CAMK1D: variants seen among roughly 807,000 people sequenced by gnomAD.
CAMK1D encodes the protein calcium/calmodulin-dependent protein kinase type 1D.
A neutral mutation model predicts 47.7 loss-of-function variants in CAMK1D; 9 were observed. That is an observed-to-expected ratio of 0.19 (90% confidence interval 0.11 to 0.33). The LOEUF is 0.33. CAMK1D is among the 10% of genes least tolerant of loss of function. The pLI, the probability that CAMK1D is intolerant of heterozygous loss-of-function variation, is 1.00. For synonymous variants in CAMK1D, 184 were observed against 184.9 expected (o/e 0.99, Z 0.04); for missense variants, 291 against 488.7 (o/e 0.60, Z 3.81).
At chr10:12,630,575 GTTTTA>G (rs573752798) in intron 2 of CAMK1D, among the ~76,000 whole-genome samples, 9 of 151,706 alleles carry the variant, frequency 5.9e-5, no homozygotes, top group Non-Finnish European at 1.3e-4. Flanking sequence ...TTGCTTTGTT[GTTTTA>G]TTTTATTTTA....
chr10:12,395,005 A>G (rs1052314538), intron 1 of CAMK1D, among the ~76,000 whole-genome samples: 1 of 151,254 alleles, frequency 6.6e-6, no homozygotes, highest in Non-Finnish European at 1.5e-5. Context: ...CTTGGGGTGC[A>G]CTTTGTAGCT....
At chr10:12,540,954 C>T (rs964644445) in intron 1 of CAMK1D, among the ~76,000 whole-genome samples, 3 of 146,304 alleles carry the variant, frequency 2.1e-5, no homozygotes, top group East Asian at 4.0e-4. Context: ...AAAAGAATTT[C>T]GATACTTTTA....
intron 3 of CAMK1D, among the ~76,000 whole-genome samples, chr10:12,745,488 T>C (rs1308345578): frequency 1.3e-5 from 2 of 152,270 alleles, no homozygotes; most frequent in African/African-American, 2.4e-5. Flanking sequence ...CTGGTAGTGC[T>C]GAAGAAAGCA....
chr10:12,366,726 G>A (rs1347182588), intron 1 of CAMK1D, among the ~76,000 whole-genome samples: 2 of 152,046 alleles, frequency 1.3e-5, no homozygotes, highest in Non-Finnish European at 2.9e-5. Flanking sequence ...TGCGGGGTGG[G>A]TGGCAGATCT....
At chr10:12,792,000 A>G (rs778126491) in intron 6 of CAMK1D, among the ~76,000 whole-genome samples, 13 of 152,154 alleles carry the variant, frequency 8.5e-5, no homozygotes, top group Non-Finnish European at 1.3e-4. Flanking sequence ...CTTTTTTTCA[A>G]TAATAGCCCT....
intron 1 of CAMK1D, 73 bp downstream of exon 1, chr10:12,349,983 C>T: frequency 1.4e-6 from 1 of 718,502 alleles, no homozygotes; most frequent in South Asian, 2.1e-5. Context: ...CAGCTGCCGC[C>T]GCCGCCACTA....
In CAMK1D at chr10:12,354,609, A is replaced by G. The variant is rs564689091; in HGVS notation, c.92+4699A>G. 6.2e-4 allele frequency among the ~76,000 whole-genome samples: 94 copies of G among 151,208 alleles called. 1 individual carries two copies. Among genetic ancestry groups the G allele is most frequent in the South Asian group, 1.3e-3 (6 of 4,786 alleles). On this transcript the variant is annotated intron_variant, in intron 1 of 10. Transcript: ENST00000619168. ...TATTTTTTAGTAGAGACGGGATTTCACCATTTTGGCCAAGACGGTCTCGAT... is the reference window on the plus strand; with the variant it reads ...TATTTTTTAGTAGAGACGGGATTTCGCCATTTTGGCCAAGACGGTCTCGAT...
intron 1 of CAMK1D, among the ~76,000 whole-genome samples, chr10:12,488,441 T>C (rs1834279713): frequency 6.6e-6 from 1 of 152,104 alleles, no homozygotes; most frequent in South Asian, 2.1e-4. Context: ...TTTTCATGAA[T>C]ACAGACTGTC....
At chr10:12,644,455 T>C (rs1839760386) in intron 2 of CAMK1D, among the ~76,000 whole-genome samples, 1 of 152,184 alleles carries the variant, frequency 6.6e-6, no homozygotes, top group African/African-American at 2.4e-5. Context: ...AATTAATCTT[T>C]CCTTGTCCAA....
At chr10:12,706,751 A>AG in intron 3 of CAMK1D, among the ~76,000 whole-genome samples, 1 of 152,238 alleles carries the variant, frequency 6.6e-6, no homozygotes, top group East Asian at 1.9e-4. Flanking sequence ...CAAAAAAAAA[A>AG]AAAAAGAATG....
intron 6 of CAMK1D, among the ~76,000 whole-genome samples, chr10:12,796,634 C>T (rs1478414952): frequency 3.3e-5 from 5 of 152,036 alleles, no homozygotes; most frequent in South Asian, 2.1e-4. Context: ...CCCCAAGCCC[C>T]GGGGGGTCGT....
chr10:12,690,828 T>A (rs1832847696), intron 3 of CAMK1D, among the ~76,000 whole-genome samples: 1 of 152,096 alleles, frequency 6.6e-6, no homozygotes, highest in African/African-American at 2.4e-5. Context: ...ACTGTGCTTG[T>A]TTTGACGATG....
At chr10:12,805,183 C>G (rs181803558) in intron 6 of CAMK1D, among the ~76,000 whole-genome samples, 34 of 150,732 alleles carry the variant, frequency 2.3e-4, no homozygotes, top group African/African-American at 8.0e-4. Flanking sequence ...TGCTTGAACC[C>G]AGGAGGTAGA....
chr10:12,638,040 G>A (rs1284188177), intron 2 of CAMK1D, among the ~76,000 whole-genome samples: 1 of 152,116 alleles, frequency 6.6e-6, no homozygotes, highest in Non-Finnish European at 1.5e-5. Flanking sequence ...GGTGGAGGAC[G>A]GGGGGATTCC....
chr10:12,473,101 G>A lies in CAMK1D; in HGVS notation c.93-80124G>A, dbSNP rs191848156. The stretch of plus-strand genomic sequence containing the variant: ...TTTGCTGGGCCAATGTGGGGCAGGA[G>A]GGGAGAGGGTGCGCCAGGTGGAAGC... On this transcript the variant is annotated intron_variant, in intron 1 of 10. Transcript: ENST00000619168. Among the ~76,000 whole-genome samples, 168 of 152,264 alleles carry A rather than the reference G, an allele frequency of 1.1e-3. 1 individual carries two copies. Among genetic ancestry groups the A allele is most frequent in the Middle Eastern group, 6.8e-3 (2 of 294 alleles).
chr10:12,691,091 T>C lies in CAMK1D; in HGVS notation c.299+24281T>C, dbSNP rs112080172. ...CAATCACACCTGCGTGGCTGAACCA[T>C]GAATCCCTGAAACGGCAAAGAGGGT... On this transcript the variant is annotated intron_variant, in intron 3 of 10. Transcript: ENST00000619168. 4.4e-3 allele frequency among the ~76,000 whole-genome samples: 674 copies of C among 152,138 alleles called. 10 individuals are homozygous for C. Among genetic ancestry groups the C allele is most frequent in the African/African-American group, 0.015 (629 of 41,472 alleles).
chr10:12,370,733 T>C (rs1034440000), intron 1 of CAMK1D, among the ~76,000 whole-genome samples: 5 of 152,144 alleles, frequency 3.3e-5, no homozygotes, highest in African/African-American at 1.2e-4. Flanking sequence ...CACAGCCTCC[T>C]GAGTAGCTGG....
chr10:12,701,686 T>G (rs1443845051), intron 3 of CAMK1D, among the ~76,000 whole-genome samples: 4 of 152,252 alleles, frequency 2.6e-5, no homozygotes, highest in African/African-American at 9.6e-5. Context: ...TTTAGGAGAC[T>G]GCCATAAATT....
chr10:12,618,961 C>CA lies in CAMK1D; in HGVS notation c.225-47774dup, dbSNP rs563118413. On this transcript the variant is annotated intron_variant, in intron 2 of 10. Transcript: ENST00000619168. ...TAAGCATGCACAGCAAAGATGGTGG[C>CA]AGTGCTGAGGTTTAAACCCAGTTTT... is the stretch of plus-strand genomic sequence containing the variant. Among the ~76,000 whole-genome samples the CA allele has an allele frequency of 7.1e-4, 108 of 152,308 alleles. 2 individuals carry two copies. In the East Asian group the frequency reaches 0.01, roughly 14 times the overall value.
Sources: gnomAD v4.1 joint callset for allele counts (sites outside exome capture counted in the v4.1 genomes callset) on GRCh38, gnomAD v4.1.1 for gene constraint, MANE v1.5 for transcripts, NCBI Gene and HGNC (gene_info 2026-07-23, HGNC 2026-07-21) for gene names.